KLHL4: variants seen among roughly 807,000 people sequenced by gnomAD.
The protein encoded by KLHL4 is kelch-like protein 4.
A neutral mutation model predicts 45.8 loss-of-function variants in KLHL4; 17 were observed. The observed-to-expected ratio is 0.37, with a 90% CI of 0.25 to 0.56. The LOEUF (loss-of-function observed/expected upper bound fraction) is 0.56. Ranked by LOEUF, KLHL4 falls within the 20% of genes least tolerant of loss-of-function variation. The pLI is 0.79. For missense variants in KLHL4, 544 were observed against 544.9 expected, an observed-to-expected ratio of 1.00 and a Z score of 0.02; for synonymous variants, 224 against 189.9, an observed-to-expected ratio of 1.18 and a Z score of -1.47.
Position 87,669,534 on chromosome X carries a change from G to T in KLHL4, c.*3000G>T. ...AATGCAATATAGAAAAAAAAACCCT[G>T]TGACTCTGGATTTTATTTTAAGTTC... On this transcript the variant is annotated 3_prime_UTR_variant, in exon 11 of 11. Coordinates refer to ENST00000373119, the MANE Select transcript of KLHL4 (RefSeq NM_019117.5). 1.4e-6 allele frequency: 1 copy of T among 712,106 alleles called. No homozygotes were observed. Among genetic ancestry groups the T allele is most frequent in the Non-Finnish European group, 1.9e-6 (1 of 519,899 alleles). 58.7% of individuals were successfully genotyped at this position (712,106 alleles called of 1,213,427 possible).
intron 9 of KLHL4, among the ~76,000 whole-genome samples, chrX:87,652,316 T>G (rs1048275965): frequency 2.7e-5 from 3 of 112,620 alleles, no homozygotes; most frequent in Admixed American, 1.9e-4. Flanking sequence ...CCTCATTACT[T>G]AAGCAAATTT....
chrX:87,579,734 C>A (rs759406656), intron 1 of KLHL4, among the ~76,000 whole-genome samples: 16 of 111,585 alleles, frequency 1.4e-4, no homozygotes, highest in South Asian at 7.5e-4. Flanking sequence ...CTATACCTGG[C>A]AAAACTGTCA....
chrX:87,598,497 A>G (rs764864917), intron 1 of KLHL4, among the ~76,000 whole-genome samples: 109 of 111,691 alleles, frequency 9.8e-4, no homozygotes, highest in African/African-American at 3.1e-3. Flanking sequence ...TTTTAGAGCC[A>G]CCATGAATAC....
At chrX:87,559,868 G>C (rs1279972546) in intron 1 of KLHL4, among the ~76,000 whole-genome samples, 1 of 111,259 alleles carries the variant, frequency 9.0e-6, no homozygotes, top group Non-Finnish European at 1.9e-5. Context: ...GGTAGATTTT[G>C]TATACAGTAG....
chrX:87,630,756 A>G (rs1923069823), intron 6 of KLHL4, among the ~76,000 whole-genome samples: 1 of 111,945 alleles, frequency 8.9e-6, no homozygotes, highest in Non-Finnish European at 1.9e-5. Flanking sequence ...AATAGAAAAT[A>G]CAATTATATT....
intron 9 of KLHL4, among the ~76,000 whole-genome samples, chrX:87,659,887 A>G (rs985234620): frequency 9.0e-6 from 1 of 110,852 alleles, no homozygotes; most frequent in Admixed American, 9.6e-5. Flanking sequence ...AGGTCAGCTC[A>G]GTATAAAGGC....
intron 9 of KLHL4, 45 bp from the exon 10 acceptor site, chrX:87,664,719 C>T (rs1289735948): frequency 1.1e-6 from 1 of 936,979 alleles, no homozygotes. Flanking sequence ...TCAGTTGTAA[C>T]TCTATTGGAC....
chrX:87,564,351 A>C, intron 1 of KLHL4, among the ~76,000 whole-genome samples: 1 of 69,052 alleles, frequency 1.4e-5, no homozygotes, highest in Non-Finnish European at 2.6e-5. Flanking sequence ...CTTTTCAATT[A>C]GAGTTAAATT....
intron 9 of KLHL4, among the ~76,000 whole-genome samples, chrX:87,664,112 A>G (rs1424228906): frequency 1.8e-5 from 2 of 111,593 alleles, no homozygotes; most frequent in Admixed American, 9.6e-5. Flanking sequence ...AAATATGTTA[A>G]TATTACTTAC....
At chrX:87,637,004 C>T (rs759536568) in intron 9 of KLHL4, among the ~76,000 whole-genome samples, 2 of 111,642 alleles carry the variant, frequency 1.8e-5, no homozygotes, top group Non-Finnish European at 3.8e-5. Flanking sequence ...CTGATGGGCT[C>T]TTGAATGTGC....
At position 87,591,121 on chromosome X, in the gene KLHL4, C is replaced by G. The variant is rs192517978; in HGVS notation, c.423-22756C>G. Among the ~76,000 whole-genome samples the G allele has an allele frequency of 1.7e-3, 187 of 111,888 alleles. 1 individual carries two copies. The highest frequency in any genetic ancestry group is 4.6e-3 in the Middle Eastern group (1 of 216). ...ATTCCCACCAGTGTATTAGAGTTCC[C>G]TTTTCTCCCAATCCTCACCAACATT... On this transcript the variant is annotated intron_variant, in intron 1 of 10. Coordinates refer to ENST00000373119, the MANE Select transcript of KLHL4 (RefSeq NM_019117.5).
chrX:87,528,322 CTTTT>C (rs767972434), intron 1 of KLHL4, among the ~76,000 whole-genome samples: 4 of 110,991 alleles, frequency 3.6e-5, no homozygotes, highest in Non-Finnish European at 7.5e-5. Flanking sequence ...CAAAGGCAAG[CTTTT>C]TGAAATAACT....
chrX:87,631,830 A>G (rs1923106926), intron 6 of KLHL4, among the ~76,000 whole-genome samples: 1 of 112,744 alleles, frequency 8.9e-6, no homozygotes, highest in African/African-American at 3.2e-5. Context: ...TTGAATGGTC[A>G]TAAGTAATTA....
chrX:87,608,467 T>G (rs1350174567), intron 1 of KLHL4, among the ~76,000 whole-genome samples: 1 of 110,708 alleles, frequency 9.0e-6, no homozygotes, highest in Admixed American at 9.6e-5. Context: ...GTTTCCCTTC[T>G]GAAGGGCTTT....
chrX:87,630,379 A>T (rs1186160446), intron 6 of KLHL4, among the ~76,000 whole-genome samples: 10 of 109,704 alleles, frequency 9.1e-5, no homozygotes, highest in African/African-American at 1.3e-4. Flanking sequence ...GTTTTTTTTT[A>T]AATTATTATT....
Position 87,668,404 on chromosome X carries a change from A to G in KLHL4, c.*1870A>G, listed in dbSNP as rs148906403. 202 of 748,912 alleles carry G rather than the reference A, an allele frequency of 2.7e-4. 1 individual carries two copies. Among genetic ancestry groups the G allele is most frequent in the Non-Finnish European group, 3.2e-4 (201 of 635,523 alleles). 61.7% of individuals were successfully genotyped at this position (748,912 alleles called of 1,213,427 possible). A position where few individuals can be genotyped will look rare whatever the true frequency, so the allele number is the denominator to read the frequency against. On this transcript the variant is annotated 3_prime_UTR_variant, in exon 11 of 11. Transcript: ENST00000373119. ...GTGAAAGTTGAATACTCTCTTCTCAATGGCATAGCTGGACTTGATTAAGTA... is the reference window on the plus strand; with the variant it reads ...GTGAAAGTTGAATACTCTCTTCTCAGTGGCATAGCTGGACTTGATTAAGTA...
chrX:87,525,020 C>T (rs1310897259), intron 1 of KLHL4, among the ~76,000 whole-genome samples: 1 of 111,544 alleles, frequency 9.0e-6, no homozygotes, highest in East Asian at 2.8e-4. Context: ...AATCAATGGG[C>T]TGTTACTGTC....
At chrX:87,608,812 G>A in intron 1 of KLHL4, among the ~76,000 whole-genome samples, 1 of 110,861 alleles carries the variant, frequency 9.0e-6, no homozygotes, top group African/African-American at 3.3e-5. Flanking sequence ...TGCACAACAT[G>A]CAGGTTTGTT....
intron 3 of KLHL4, among the ~76,000 whole-genome samples, chrX:87,614,814 A>C (rs1282412768): frequency 3.6e-5 from 4 of 111,057 alleles, no homozygotes; most frequent in African/African-American, 1.3e-4. Flanking sequence ...GGTATATAAT[A>C]TGTAGAAAAT....
Sources: allele counts gnomAD v4.1 joint callset (sites outside exome capture counted in the v4.1 genomes callset), GRCh38; gene constraint gnomAD v4.1.1; transcripts MANE v1.5; gene names NCBI Gene and HGNC (gene_info 2026-07-23, HGNC 2026-07-21).